Variants in OPCML observed in about 807,000 individuals in gnomAD.
OPCML encodes the protein opioid-binding protein/cell adhesion molecule.
Under a neutral mutation model 37.8 loss-of-function variants are expected in OPCML, and 13 were observed. The observed-to-expected ratio is 0.34, with a 90% CI of 0.22 to 0.55. The LOEUF (loss-of-function observed/expected upper bound fraction) is 0.55. Ranked by LOEUF, OPCML falls within the 20% of genes least tolerant of loss-of-function variation. The pLI is 0.91. For synonymous variants in OPCML, 176 were observed against 168.8 expected (o/e 1.04, Z -0.33); for missense variants, 341 against 435.6 (o/e 0.78, Z 1.93).
At chr11:132,468,501 G>A (rs1249817799) in intron 4 of OPCML, among the ~76,000 whole-genome samples, 1 of 152,196 alleles carries the variant, frequency 6.6e-6, no homozygotes, top group East Asian at 1.9e-4. Flanking sequence ...TCTTGTTACA[G>A]TAATACCTAA....
intron 1 of OPCML, among the ~76,000 whole-genome samples, chr11:133,035,761 A>G (rs999749563): frequency 3.3e-4 from 50 of 152,246 alleles, no homozygotes; most frequent in African/African-American, 1.2e-3. Flanking sequence ...CCCTAATCCT[A>G]TATTACTGTT....
chr11:133,019,754 G>C (rs1403159135), intron 1 of OPCML, among the ~76,000 whole-genome samples: 1 of 152,138 alleles, frequency 6.6e-6, no homozygotes, highest in East Asian at 1.9e-4. Flanking sequence ...TGGGCACAGA[G>C]TGAAGCGCGC....
In OPCML at chr11:133,422,721, C is replaced by T. The variant is rs1945917957; in HGVS notation, c.61+109543G>A. ...ATATGCAAACACTCTCAAACTTTCT[C>T]ATATTTCCAGTCTGTGTAACATTTC... On this transcript the variant is annotated intron_variant, in intron 1 of 7. Coordinates refer to ENST00000524381, the MANE Select transcript of OPCML (RefSeq NM_001012393.5). The T allele has an allele frequency of 2.5e-5, 25 of 980,920 alleles. No homozygotes were observed. In the South Asian group the frequency reaches 4.3e-4, roughly 17 times the overall value. 60.8% of individuals were successfully genotyped at this position (980,920 alleles called of 1,614,324 possible).
chr11:132,871,238 C>A (rs2659594), intron 2 of OPCML, among the ~76,000 whole-genome samples: 2,468 of 151,680 alleles, frequency 0.016, 48 homozygotes, highest in East Asian at 0.065. Context: ...GACAGTCAGC[C>A]CTCCCTATCT....
chr11:133,379,166 A>G (rs1300522623), intron 1 of OPCML, among the ~76,000 whole-genome samples: 2 of 152,174 alleles, frequency 1.3e-5, no homozygotes, highest in Non-Finnish European at 2.9e-5. Flanking sequence ...TAATTTTTCA[A>G]ACTAGCCATT....
In OPCML at chr11:132,436,243, A is replaced by G; in HGVS notation, c.765-6T>C. ...CATCCAGACCAGTGGCTAACCTGCA[A>G]GAGGGAAGACATTGCTATCAATTCA... is the stretch of plus-strand genomic sequence containing the variant. On this transcript the variant is annotated splice_region_variant and splice_polypyrimidine_tract_variant and intron_variant, in intron 6 of 7. Coordinates refer to ENST00000524381, the MANE Select transcript of OPCML (RefSeq NM_001012393.5). 1 of 1,614,192 alleles carries G rather than the reference A, an allele frequency of 6.2e-7. No individual in the cohort carries two copies. The highest frequency in any genetic ancestry group is 8.5e-7 in the Non-Finnish European group (1 of 1,180,022).
intron 3 of OPCML, among the ~76,000 whole-genome samples, chr11:132,568,742 C>T (rs2096430382): frequency 6.6e-6 from 1 of 152,120 alleles, no homozygotes; most frequent in Admixed American, 6.5e-5. Context: ...AATACATTTC[C>T]GTTATTTTAA....
chr11:133,091,832 TTTTAGAA>T (rs1172684022), intron 1 of OPCML, among the ~76,000 whole-genome samples: 7 of 152,156 alleles, frequency 4.6e-5, no homozygotes, highest in African/African-American at 1.4e-4. Flanking sequence ...AGACTTTAGA[TTTTAGAA>T]TTTTGAGTTG....
At chr11:132,770,500 C>T (rs954716673) in intron 2 of OPCML, among the ~76,000 whole-genome samples, 1 of 152,096 alleles carries the variant, frequency 6.6e-6, no homozygotes, top group Non-Finnish European at 1.5e-5. Flanking sequence ...TCCCAACTTC[C>T]CCAGGTTTAC....
intron 2 of OPCML, among the ~76,000 whole-genome samples, chr11:132,811,166 CCAAT>C (rs1939316430): frequency 6.6e-6 from 1 of 152,156 alleles, no homozygotes; most frequent in African/African-American, 2.4e-5. Context: ...TATTAATTAA[CCAAT>C]CAAACTGCTC....
intron 2 of OPCML, among the ~76,000 whole-genome samples, chr11:132,892,768 AAAAGT>A (rs1484056755): frequency 6.6e-6 from 1 of 152,154 alleles, no homozygotes; most frequent in African/African-American, 2.4e-5. Flanking sequence ...ACTCCATCTC[AAAAGT>A]AAAGTATTCT....
intron 4 of OPCML, among the ~76,000 whole-genome samples, chr11:132,464,713 T>C (rs984675559): frequency 9.2e-5 from 14 of 152,194 alleles, no homozygotes; most frequent in African/African-American, 3.4e-4. Context: ...AGCCCCTCTA[T>C]TGATTAACAA....
chr11:133,124,683 C>T (rs886474601), intron 1 of OPCML, among the ~76,000 whole-genome samples: 7 of 152,148 alleles, frequency 4.6e-5, no homozygotes, highest in Admixed American at 3.3e-4. Context: ...GCCTTCATCA[C>T]GTTCTGCAAC....
chr11:132,612,328 A>C (rs2137853028), intron 3 of OPCML, among the ~76,000 whole-genome samples: 1 of 152,348 alleles, frequency 6.6e-6, no homozygotes, highest in Non-Finnish European at 1.5e-5. Context: ...ATGAAGCATA[A>C]GTTTGTAATA....
chr11:132,432,356 C>T (rs147802565), intron 7 of OPCML, among the ~76,000 whole-genome samples: 73 of 152,286 alleles, frequency 4.8e-4, no homozygotes, highest in Middle Eastern at 3.4e-3. Flanking sequence ...AAGAGCAGGT[C>T]AACCAGACAC....
chr11:132,747,355 A>T (rs934641405), intron 2 of OPCML, among the ~76,000 whole-genome samples: 3 of 152,220 alleles, frequency 2.0e-5, no homozygotes, highest in Admixed American at 6.5e-5. Flanking sequence ...AAGCACAGTG[A>T]CAAAGAAGAG....
rs904333935 is a variant in OPCML, at chr11:133,008,953, T to C, written c.62-65943A>G. 6 of 985,312 alleles carry C rather than the reference T, an allele frequency of 6.1e-6. No individual in the cohort carries two copies. In the African/African-American group the frequency reaches 8.7e-5, roughly 14 times the overall value. The allele number at this position is 985,312 out of a possible 1,614,324, so 61.0% of individuals were successfully genotyped here. A position where few individuals can be genotyped will look rare whatever the true frequency, so the allele number is the denominator to read the frequency against. ...GTCACAGCAAGAAGACTGAGCAATT[T>C]TCTACATTACTGAGGAGATTAGCAT... On this transcript the variant is annotated intron_variant, in intron 1 of 7. Transcript: ENST00000524381.
At chr11:132,646,869 C>G (rs1941176597) in intron 3 of OPCML, among the ~76,000 whole-genome samples, 1 of 152,036 alleles carries the variant, frequency 6.6e-6, no homozygotes, top group African/African-American at 2.4e-5. Context: ...TAGGAAAGAA[C>G]TAAAAACTGG....
chr11:133,128,998 G>A (rs888583640), intron 1 of OPCML, among the ~76,000 whole-genome samples: 8 of 152,284 alleles, frequency 5.3e-5, no homozygotes, highest in African/African-American at 1.9e-4. Context: ...ATCAGGTGAT[G>A]AGACAGAGGT....
Sources: allele counts gnomAD v4.1 joint callset (sites outside exome capture counted in the v4.1 genomes callset), GRCh38; gene constraint gnomAD v4.1.1; transcripts MANE v1.5; gene names NCBI Gene and HGNC (gene_info 2026-07-23, HGNC 2026-07-21).